The following ITGB5 variants were observed in gnomAD, a reference collection of about 807,000 sequenced individuals.
ITGB5 encodes integrin beta-5.
Under a neutral mutation model 84.8 loss-of-function variants are expected in ITGB5, and 38 were observed. That is an observed-to-expected ratio of 0.45 (90% CI 0.35 to 0.59). The LOEUF is 0.59. ITGB5 is among the 20% of genes least tolerant of loss of function. The probability of loss-of-function intolerance (pLI) is 0.01; values close to 1 mark genes in which losing one functional copy is unlikely to be tolerated. For synonymous variants in ITGB5, 393 were observed against 414.4 expected, an observed-to-expected ratio of 0.95 and a Z score of 0.63; for missense variants, 905 against 1,034.5, an observed-to-expected ratio of 0.87 and a Z score of 1.72.
intron 10 of ITGB5, among the ~76,000 whole-genome samples, chr3:124,780,855 T>C (rs1240883386): frequency 6.6e-6 from 1 of 151,434 alleles, no homozygotes; most frequent in Non-Finnish European, 1.5e-5. Context: ...ATAGAGGGAG[T>C]GTGGCTGGAA....
At chr3:124,894,628 T>G (rs1935066721) in intron 1 of ITGB5, 1 of 152,216 alleles carries the variant, frequency 6.6e-6, no homozygotes. Flanking sequence ...CCTGGATGTT[T>G]TCTCATATCA....
intron 10 of ITGB5, among the ~76,000 whole-genome samples, chr3:124,777,967 G>T (rs1250561061): frequency 6.6e-6 from 1 of 152,180 alleles, no homozygotes; most frequent in Non-Finnish European, 1.5e-5. Flanking sequence ...AAAAGGACCA[G>T]CGTCATTTGG....
intron 1 of ITGB5, among the ~76,000 whole-genome samples, chr3:124,899,075 CAAAAAAAAAAGAAA>C (rs758004429): frequency 9.0e-6 from 1 of 111,504 alleles, no homozygotes; most frequent in Non-Finnish European, 1.9e-5. Context: ...GACTCTGTCT[CAAAAAAAAAAGAAA>C]AGAAAAAAAA....
chr3:124,807,890 C>T (rs1429173229), intron 9 of ITGB5, among the ~76,000 whole-genome samples: 4 of 129,576 alleles, frequency 3.1e-5, no homozygotes, highest in Admixed American at 9.4e-5. Context: ...TGCAGTGAGC[C>T]GAGATCGTGC....
chr3:124,900,857 C>T (rs75057516), intron 1 of ITGB5, among the ~76,000 whole-genome samples: 4,460 of 152,258 alleles, frequency 0.029, 100 homozygotes, highest in South Asian at 0.045. Context: ...ATTGATTTCT[C>T]TGAACAATTG....
At chr3:124,766,378 C>A in intron 12 of ITGB5, 33 bp from the exon 13 acceptor site, 4 of 1,611,712 alleles carry the variant, frequency 2.5e-6, no homozygotes, top group Middle Eastern at 1.7e-4. Flanking sequence ...TGGCCTGAGT[C>A]TCTCTGAGCA....
upstream of ITGB5, among the ~76,000 whole-genome samples, chr3:124,888,483 G>C (rs1934920221): frequency 6.6e-6 from 1 of 152,150 alleles, no homozygotes; most frequent in South Asian, 2.1e-4. Flanking sequence ...GAGTGGAGTG[G>C]TTGATAGGCA....
At chr3:124,798,968 G>A (rs2064276019) in intron 9 of ITGB5, among the ~76,000 whole-genome samples, 1 of 152,204 alleles carries the variant, frequency 6.6e-6, no homozygotes, top group South Asian at 2.1e-4. Context: ...AGACACCCAG[G>A]ACTCAGCATT....
rs537390713 is a variant in ITGB5, at chr3:124,772,811, G to A, written c.1916+879C>T. ...TGCATTCAGCAGCAGCACAGAGCCCGTGTTCTATTATCTGTATAAATGGAG... is the reference window on the plus strand; with the variant it reads ...TGCATTCAGCAGCAGCACAGAGCCCATGTTCTATTATCTGTATAAATGGAG... On this transcript the variant is annotated intron_variant, in intron 11 of 14. Transcript: ENST00000296181. Among the ~76,000 whole-genome samples the A allele has an allele frequency of 2.6e-5, 4 of 152,124 alleles. No homozygotes were observed. The East Asian group carries it at 5.8e-4, about 22-fold the overall frequency.
chr3:124,872,642 T>C (rs748647622), intron 2 of ITGB5, among the ~76,000 whole-genome samples: 8 of 152,148 alleles, frequency 5.3e-5, no homozygotes, highest in Non-Finnish European at 1.0e-4. Flanking sequence ...TGGGGCACTT[T>C]TACAGGGAGG....
intron 12 of ITGB5, 148 bp from the exon 13 acceptor site, chr3:124,766,493 G>T: frequency 1.1e-6 from 1 of 918,552 alleles, no homozygotes; most frequent in Non-Finnish European, 1.6e-6. Context: ...GGCCTTTGAA[G>T]ATGAGTTCAG....
intron 9 of ITGB5, among the ~76,000 whole-genome samples, chr3:124,797,131 C>T (rs1364583035): frequency 6.6e-6 from 1 of 152,186 alleles, no homozygotes; most frequent in African/African-American, 2.4e-5. Context: ...TGAGTTCACA[C>T]AGTTCTTATT....
chr3:124,794,517 A>G lies in ITGB5; in HGVS notation c.1693+1871T>C, dbSNP rs573995036. 2.6e-5 allele frequency among the ~76,000 whole-genome samples: 4 copies of G among 152,302 alleles called. 1 individual carries two copies. In the South Asian group the frequency reaches 8.3e-4, roughly 32 times the overall value. On this transcript the variant is annotated intron_variant, in intron 10 of 14. Transcript: ENST00000296181. ...AAAGGTGGGCTGGGCGCAGTGGCTC[A>G]CACCTGTAATCCCAGCACATTGGGA...
In ITGB5 at chr3:124,887,150, G is replaced by A. The variant is rs1021212199; in HGVS notation, c.-150C>T. The A allele has an allele frequency of 6.3e-6, 1 of 158,844 alleles. No homozygotes were observed. The highest frequency in any genetic ancestry group is 2.4e-5 in the African/African-American group (1 of 41,062). 9.8% of individuals were successfully genotyped at this position (158,844 alleles called of 1,614,324 possible). On this transcript the variant is annotated 5_prime_UTR_variant, in exon 1 of 15. Transcript: ENST00000296181. ...CGGCTCACGGCGCCCGCGCTGGCCC[G>A]CGCCCCGCCGCCACCATCCGTCCCG...
In ITGB5 at chr3:124,799,075, A is replaced by G. The variant is rs565809680; in HGVS notation, c.1264-2258T>C. Among the ~76,000 whole-genome samples, 3 of 152,312 alleles carry G rather than the reference A, an allele frequency of 2.0e-5. No homozygotes were observed. The South Asian group carries it at 6.2e-4, about 32-fold the overall frequency. On this transcript the variant is annotated intron_variant, in intron 9 of 14. Coordinates refer to ENST00000296181, the MANE Select transcript of ITGB5 (RefSeq NM_002213.5). Reference sequence around the variant, plus strand: ...ACACTCGGGGGACCAGGCCAGCTGCAGACAGCTTGGGCTAGCTCCACCTTA... The same window carrying G: ...ACACTCGGGGGACCAGGCCAGCTGCGGACAGCTTGGGCTAGCTCCACCTTA...
intron 1 of ITGB5, 36 bp downstream of exon 1, chr3:124,886,895 A>C: frequency 1.7e-6 from 2 of 1,194,614 alleles, no homozygotes; most frequent in Non-Finnish European, 2.1e-6. Context: ...AGTGTGCGAC[A>C]AAGTTTCTCT....
At chr3:124,767,519 C>T (rs934704297) in intron 12 of ITGB5, among the ~76,000 whole-genome samples, 5 of 152,202 alleles carry the variant, frequency 3.3e-5, no homozygotes, top group Admixed American at 6.5e-5. Context: ...ATAAACCAAG[C>T]GAACCAGTCC....
intron 5 of ITGB5, among the ~76,000 whole-genome samples, chr3:124,838,692 C>T (rs1277698585): frequency 6.6e-6 from 1 of 152,030 alleles, no homozygotes; most frequent in Non-Finnish European, 1.5e-5. Context: ...AGCTCCGCCT[C>T]CGGGGTTCAC....
At chr3:124,802,793 C>G (rs1416713456) in intron 9 of ITGB5, among the ~76,000 whole-genome samples, 1 of 152,234 alleles carries the variant, frequency 6.6e-6, no homozygotes, top group Non-Finnish European at 1.5e-5. Context: ...TCATGTCTGG[C>G]TCTGAAGAGC....
Sources: gnomAD v4.1 joint callset for allele counts (sites outside exome capture counted in the v4.1 genomes callset) on GRCh38, gnomAD v4.1.1 for gene constraint, MANE v1.5 for transcripts, NCBI Gene and HGNC (gene_info 2026-07-23, HGNC 2026-07-21) for gene names.